Variants in TRPV4 observed in about 807,000 individuals in gnomAD.
TRPV4 encodes OSM9-like transient receptor potential channel 4.
TRPV4 carries 58 observed loss-of-function variants against 84.1 expected under a neutral mutation model. The observed-to-expected ratio is 0.69, with a 90% CI of 0.56 to 0.86. TRPV4 has a LOEUF of 0.86. TRPV4 is among the 40% of genes least tolerant of loss of function. The pLI, the probability that TRPV4 is intolerant of heterozygous loss-of-function variation, is 0.00. For synonymous variants in TRPV4, 489 were observed against 500.9 expected (o/e 0.98, Z 0.32); for missense variants, 879 against 1,181.1 (o/e 0.74, Z 3.75).
At chr12:109,823,834 A>T (rs559336231) in intron 1 of TRPV4, among the ~76,000 whole-genome samples, 12 of 152,362 alleles carry the variant, frequency 7.9e-5, no homozygotes, top group African/African-American at 2.6e-4. Flanking sequence ...TTCCAGGCTT[A>T]GTGACCTCAG....
Position 109,808,404 on chromosome 12 carries a change from G to C in TRPV4, c.451C>G (p.Arg151Gly), listed in dbSNP as rs150022362. ...GACACGATGTCAAAGAGGATAGGCCGGTTGAAGACTTTGAGGATGGGGGGC... is the reference window on the plus strand; with the variant it reads ...GACACGATGTCAAAGAGGATAGGCCCGTTGAAGACTTTGAGGATGGGGGGC... ...QPPPILKVFN[R>G]PILFDIVSRG... Residue 151 changes from arginine (R) to glycine (G), a missense_variant, in exon 3 of 16, where the codon CGG becomes GGG. Around this residue, in one of 4 missense-constraint regions of TRPV4, gnomAD observed 521 missense variants for 686.6 expected, o/e 0.76. Coordinates refer to ENST00000261740, the MANE Select transcript of TRPV4 (RefSeq NM_021625.5). 13 of 1,614,148 alleles carry C rather than the reference G, an allele frequency of 8.1e-6. No individual in the cohort carries two copies. Among genetic ancestry groups the C allele is most frequent in the Non-Finnish European group, 1.1e-5 (13 of 1,179,992 alleles).
Position 109,814,310 on chromosome 12 carries a change from T to A in TRPV4, c.386+101A>T. 1.5e-6 allele frequency: 2 copies of A among 1,347,212 alleles called. No homozygotes were observed. The highest frequency in any genetic ancestry group is 2.1e-6 in the Non-Finnish European group (2 of 967,072). The allele number at this position is 1,347,212 out of a possible 1,614,324, so 83.5% of individuals were successfully genotyped here. A position where few individuals can be genotyped will look rare whatever the true frequency, so the allele number is the denominator to read the frequency against. On this transcript the variant is annotated intron_variant, in intron 2 of 15. Transcript: ENST00000261740. The surrounding 1 kb of genome is among the most constrained non-coding windows in gnomAD (Gnocchi z 5.4). ...TTGGATGGACAGATGGATGGATGGATGAATCGACGGATGGGTGGATAATAG... is the reference window on the plus strand; with the variant it reads ...TTGGATGGACAGATGGATGGATGGAAGAATCGACGGATGGGTGGATAATAG...
chr12:109,826,315 TG>T (rs1892250575), intron 1 of TRPV4, among the ~76,000 whole-genome samples: 1 of 152,250 alleles, frequency 6.6e-6, no homozygotes, highest in African/African-American at 2.4e-5. Flanking sequence ...TGAACCACCA[TG>T]GCTGGCCCCT....
intron 2 of TRPV4, among the ~76,000 whole-genome samples, chr12:109,813,155 T>C (rs1458956613): frequency 6.6e-6 from 1 of 152,208 alleles, no homozygotes; most frequent in Non-Finnish European, 1.5e-5. Flanking sequence ...CTCACACCTA[T>C]AATCCCAGCA....
Position 109,786,923 on chromosome 12 carries a change from C to T in TRPV4, c.2209-86G>A. On this transcript the variant is annotated intron_variant, in intron 13 of 15. Coordinates refer to ENST00000261740, the MANE Select transcript of TRPV4 (RefSeq NM_021625.5). The surrounding 1 kb of genome is among the most constrained non-coding windows in gnomAD (Gnocchi z 4.5). ...TGGTGGCAGAAATGAGACAACGGGC[C>T]AGGGTGGGCCCAGAACTAGGCATTT... The T allele has an allele frequency of 6.3e-7, 1 of 1,589,966 alleles. No individual in the cohort carries two copies. Among genetic ancestry groups the T allele is most frequent in the South Asian group, 1.1e-5 (1 of 88,814 alleles).
intron 1 of TRPV4, among the ~76,000 whole-genome samples, chr12:109,824,047 C>A (rs1057090207): frequency 2.0e-5 from 3 of 151,968 alleles, no homozygotes; most frequent in Non-Finnish European, 4.4e-5. Context: ...CTCACTGCAA[C>A]CTCCGTCTCC....
intron 2 of TRPV4, among the ~76,000 whole-genome samples, chr12:109,813,431 A>G (rs1891646727): frequency 6.6e-6 from 1 of 152,094 alleles, no homozygotes; most frequent in Non-Finnish European, 1.5e-5. Flanking sequence ...AAAAAAGCAG[A>G]TGAATGAATG....
rs1167943624 is a variant in TRPV4, at chr12:109,814,753, ACCTCCCCGGGC to A, written c.33_43del (p.Pro12GlyfsTer2). 1 of 1,571,452 alleles carries A rather than the reference ACCTCCCCGGGC, an allele frequency of 6.4e-7. No individual in the cohort carries two copies. Among genetic ancestry groups the A allele is most frequent in the Admixed American group, 1.9e-5 (1 of 53,880 alleles). On this transcript the variant is annotated frameshift_variant, in exon 2 of 16. Coordinates refer to ENST00000261740, the MANE Select transcript of TRPV4 (RefSeq NM_021625.5). LOFTEE classifies it high-confidence loss of function. This position sits in a 1 kb window ranked among gnomAD's most constrained non-coding sequence, Gnocchi z 5.4. ...ACTCTCATCCCCGGGGAGCTCAGCC[ACCTCCCCGGGC>A]CCCGCGCGGGGGCCTTCGCTGGAAT...
intron 12 of TRPV4, among the ~76,000 whole-genome samples, chr12:109,790,062 C>A (rs1014507843): frequency 1.3e-5 from 2 of 152,232 alleles, no homozygotes; most frequent in African/African-American, 4.8e-5. Flanking sequence ...GAATCCCAAA[C>A]TGTTGTTGAA....
In TRPV4 at chr12:109,784,424, T is replaced by C; in HGVS notation, c.2350A>G (p.Asn784Asp). ...RRWCFRVDEVNWSHWNQNLGI... is the reference protein window; with the variant it reads ...RRWCFRVDEVDWSHWNQNLGI... ...AAGTTCTGGTTCCAGTGAGACCAGT[T>C]CACCTCATCCACCCTGGCAGGGCCC... The change falls in exon 15 of 16, where the codon AAC becomes GAC. Residue 784 changes from asparagine (N) to aspartate (D), a missense_variant. Transcript: ENST00000261740. 2 of 1,614,132 alleles carry C rather than the reference T, an allele frequency of 1.2e-6. No individual in the cohort carries two copies. Among genetic ancestry groups the C allele is most frequent in the East Asian group, 2.2e-5 (1 of 44,868 alleles).
intron 3 of TRPV4, among the ~76,000 whole-genome samples, chr12:109,807,393 C>CT (rs377690733): frequency 0.05 from 6,818 of 135,044 alleles, 224 homozygotes; most frequent in Non-Finnish European, 0.071. Flanking sequence ...TATCACAATT[C>CT]TTTTTTTTTT....
intron 1 of TRPV4, among the ~76,000 whole-genome samples, chr12:109,829,529 C>A (rs1237424789): frequency 2.0e-5 from 3 of 152,272 alleles, no homozygotes; most frequent in Non-Finnish European, 4.4e-5. Flanking sequence ...TCCACCCACC[C>A]ACCTGGCATG....
Position 109,783,534 on chromosome 12 carries a change from G to A in TRPV4, c.*87C>T. On this transcript the variant is annotated 3_prime_UTR_variant, in exon 16 of 16. Coordinates refer to ENST00000261740, the MANE Select transcript of TRPV4 (RefSeq NM_021625.5). The surrounding 1 kb of genome is among the most constrained non-coding windows in gnomAD (Gnocchi z 4.6). Reference sequence around the variant, plus strand: ...CCCTCGCCTCTGGGGCCAAAGCAGGGTGTGGGGGGACACCCCAGAAGGCAC... The same window carrying A: ...CCCTCGCCTCTGGGGCCAAAGCAGGATGTGGGGGGACACCCCAGAAGGCAC... The A allele has an allele frequency of 1.3e-6, 2 of 1,530,170 alleles. No homozygotes were observed. The highest frequency in any genetic ancestry group is 1.8e-6 in the Non-Finnish European group (2 of 1,129,222). The allele number at this position is 1,530,170 out of a possible 1,614,324, so 94.8% of individuals were successfully genotyped here.
intron 1 of TRPV4, among the ~76,000 whole-genome samples, chr12:109,817,374 C>T (rs970271657): frequency 6.6e-6 from 1 of 150,730 alleles, no homozygotes; most frequent in Non-Finnish European, 1.5e-5. Context: ...CATGGCACCT[C>T]AGGGGCTAAT....
chr12:109,786,887 G>A lies in TRPV4; in HGVS notation c.2209-50C>T, dbSNP rs780407493. ...GACATCGGTGAGCCTCACAGCCTGC[G>A]CCTGCCGCTCTGGTGGCAGAAATGA... is the stretch of plus-strand genomic sequence containing the variant. On this transcript the variant is annotated intron_variant, in intron 13 of 15. Coordinates refer to ENST00000261740, the MANE Select transcript of TRPV4 (RefSeq NM_021625.5). This position sits in a 1 kb window ranked among gnomAD's most constrained non-coding sequence, Gnocchi z 4.5. 4.1e-5 allele frequency: 66 copies of A among 1,610,422 alleles called. No individual in the cohort carries two copies. In the East Asian group the frequency reaches 1.2e-3, roughly 29 times the overall value.
chr12:109,789,525 G>A (rs1333773366), intron 12 of TRPV4, among the ~76,000 whole-genome samples: 2 of 152,092 alleles, frequency 1.3e-5, no homozygotes, highest in African/African-American at 4.8e-5. Flanking sequence ...GTTCTCTAAG[G>A]GGCCTCTCCT....
At chr12:109,812,505 G>T (rs1281308122) in intron 2 of TRPV4, among the ~76,000 whole-genome samples, 1 of 152,180 alleles carries the variant, frequency 6.6e-6, no homozygotes, top group Non-Finnish European at 1.5e-5. Context: ...GTAGGGAGAT[G>T]GATGGATGAA....
rs1892471694 is a variant in TRPV4, at chr12:109,833,389, C to T, written c.-71G>A. The T allele has an allele frequency of 6.6e-6, 1 of 152,046 alleles. No homozygotes were observed. The highest frequency in any genetic ancestry group is 2.4e-5 in the African/African-American group (1 of 41,404). The allele number at this position is 152,046 out of a possible 1,614,324, so 9.4% of individuals were successfully genotyped here. A position where few individuals can be genotyped will look rare whatever the true frequency, so the allele number is the denominator to read the frequency against. Reference sequence around the variant, plus strand: ...GGCGCCGGCGGCCGGGAGATCCGCGCTTCCTGAATCCCGGCCGGCCCGCCC... The same window carrying T: ...GGCGCCGGCGGCCGGGAGATCCGCGTTTCCTGAATCCCGGCCGGCCCGCCC... On this transcript the variant is annotated 5_prime_UTR_variant, in exon 1 of 16. Transcript: ENST00000261740.
At position 109,796,639 on chromosome 12, in the gene TRPV4, G is replaced by A. The variant is rs750629825; in HGVS notation, c.1218C>T (p.Phe406=). 1.9e-6 allele frequency: 3 copies of A among 1,614,208 alleles called. No homozygotes were observed. Among genetic ancestry groups the A allele is most frequent in the Non-Finnish European group, 2.5e-6 (3 of 1,180,036 alleles). ...DEDTRHLSRK[F]KDWAYGPVYS... The stretch of plus-strand genomic sequence containing the variant: ...ACACTGGCCCATAGGCCCAGTCCTT[G>A]AACTTGCGGGACAGGTGCCGTGTGT... Residue 406 remains phenylalanine (F), a synonymous_variant, in exon 7 of 16, where the codon TTC becomes TTT. Transcript: ENST00000261740. This position sits in a 1 kb window ranked among gnomAD's most constrained non-coding sequence, Gnocchi z 4.2.
Sources: allele counts gnomAD v4.1 joint callset (sites outside exome capture counted in the v4.1 genomes callset), GRCh38; gene constraint gnomAD v4.1.1; regional missense constraint gnomAD v4.1.1; non-coding constraint Gnocchi (gnomAD v3.1); transcripts MANE v1.5; gene names NCBI Gene and HGNC (gene_info 2026-07-23, HGNC 2026-07-21).